DTWD2: variants seen among roughly 807,000 people sequenced by gnomAD.
The protein encoded by DTWD2 is tRNA-uridine aminocarboxypropyltransferase 2.
Under a neutral mutation model 31.8 loss-of-function variants are expected in DTWD2, and 39 were observed. That is an observed-to-expected ratio of 1.22 (90% CI 0.95 to 1.60). The LOEUF is 1.60. Among genes scored for constraint, DTWD2 ranks in the 40% most tolerant of loss-of-function variants. The pLI, the probability that DTWD2 is intolerant of heterozygous loss-of-function variation, is 0.00. For missense variants in DTWD2, 515 were observed against 381.5 expected, an observed-to-expected ratio of 1.35 and a Z score of -2.92; for synonymous variants, 180 against 142.8, an observed-to-expected ratio of 1.26 and a Z score of -1.86.
At chr5:118,917,635 G>C (rs1026323224) in intron 4 of DTWD2, among the ~76,000 whole-genome samples, 52 of 152,268 alleles carry the variant, frequency 3.4e-4, no homozygotes, top group African/African-American at 1.2e-3. Flanking sequence ...CATGGGGGCA[G>C]GAGAAAGAAG....
At chr5:118,947,005 G>C (rs1754353152) in intron 1 of DTWD2, among the ~76,000 whole-genome samples, 1 of 152,224 alleles carries the variant, frequency 6.6e-6, no homozygotes, top group East Asian at 1.9e-4. Flanking sequence ...GCCTCAAAAA[G>C]TACTGGTGAA....
intron 4 of DTWD2, among the ~76,000 whole-genome samples, chr5:118,909,094 T>G (rs1753400822): frequency 6.6e-6 from 1 of 152,188 alleles, no homozygotes; most frequent in South Asian, 2.1e-4. Context: ...CACCAGTTTC[T>G]CCATCCTTTT....
chr5:118,903,695 C>A (rs973878628), intron 4 of DTWD2, among the ~76,000 whole-genome samples: 1 of 151,646 alleles, frequency 6.6e-6, no homozygotes, highest in Non-Finnish European at 1.5e-5. Flanking sequence ...CATTATGTTC[C>A]GTCATTATGA....
At chr5:118,878,282 C>T (rs554508728) in intron 4 of DTWD2, among the ~76,000 whole-genome samples, 62 of 152,226 alleles carry the variant, frequency 4.1e-4, no homozygotes, top group African/African-American at 1.4e-3. Flanking sequence ...CTACAGTAAC[C>T]AAAACAGCAT....
intron 1 of DTWD2, 131 bp downstream of exon 1, chr5:118,988,163 A>C: frequency 3.4e-6 from 4 of 1,160,590 alleles, no homozygotes; most frequent in Non-Finnish European, 5.0e-6. Flanking sequence ...CGAGATTTCC[A>C]ACGTGCACCC....
intron 1 of DTWD2, among the ~76,000 whole-genome samples, chr5:118,965,389 G>T (rs572462375): frequency 4.6e-5 from 7 of 152,050 alleles, no homozygotes; most frequent in African/African-American, 1.4e-4. Flanking sequence ...GAAGTGAGGA[G>T]CCCCTCTGCC....
At chr5:118,965,334 C>G (rs1371480073) in intron 1 of DTWD2, among the ~76,000 whole-genome samples, 1 of 148,012 alleles carries the variant, frequency 6.8e-6, no homozygotes, top group African/African-American at 2.5e-5. Context: ...AGCCGCCACC[C>G]CGTCCGGGAG....
intron 5 of DTWD2, among the ~76,000 whole-genome samples, chr5:118,843,938 T>C (rs1751785933): frequency 1.3e-5 from 2 of 152,246 alleles, no homozygotes; most frequent in Non-Finnish European, 2.9e-5. Flanking sequence ...GTACAACTAA[T>C]ACGTGTCACC....
rs1461105027 is a variant in DTWD2 at position 118,939,227 on chromosome 5, C to T, written c.373G>A (p.Val125Met). The T allele has an allele frequency of 6.2e-7, 1 of 1,606,724 alleles. No homozygotes were observed. Among genetic ancestry groups the T allele is most frequent in the Non-Finnish European group, 8.5e-7 (1 of 1,176,082 alleles). Residue 125 changes from valine (V) to methionine (M), a missense_variant, in exon 3 of 6, where the codon GTG becomes ATG. Val to Met is a conservative substitution (Grantham distance 21). Coordinates refer to ENST00000510708, the MANE Select transcript of DTWD2 (RefSeq NM_173666.4). ...TCACTGAAGCGACGACCGATCTTCA[C>T]TTTACACTTGTCCTGGGGGAGGCAT... Reference protein sequence around the residue: ...AACLPQDKCKVKIGRRFSEER... With the variant: ...AACLPQDKCKMKIGRRFSEER...
At chr5:118,976,679 G>A (rs1755169287) in intron 1 of DTWD2, among the ~76,000 whole-genome samples, 1 of 152,194 alleles carries the variant, frequency 6.6e-6, no homozygotes, top group Admixed American at 6.5e-5. Flanking sequence ...AACAAGTTCT[G>A]AAATTGAGGC....
intron 4 of DTWD2, among the ~76,000 whole-genome samples, chr5:118,925,682 A>G (rs930725374): frequency 2.6e-5 from 4 of 151,776 alleles, no homozygotes; most frequent in African/African-American, 4.9e-5. Context: ...TGTCTCTACT[A>G]AAAATACAAA....
At position 118,837,391 on chromosome 5, in the gene DTWD2, T is replaced by G. The variant is rs1289882848; in HGVS notation, c.*3526A>C. On this transcript the variant is annotated 3_prime_UTR_variant, in exon 6 of 6. Coordinates refer to ENST00000510708, the MANE Select transcript of DTWD2 (RefSeq NM_173666.4). ...ATTTTAAAGAAATACATCTACATAG[T>G]AAAATACAGTTTTGTAAAACTTTTG... The G allele has an allele frequency of 1.3e-5, 2 of 152,196 alleles. No homozygotes were observed. The highest frequency in any genetic ancestry group is 6.5e-5 in the Admixed American group (1 of 15,280). 9.4% of individuals were successfully genotyped at this position (152,196 alleles called of 1,614,324 possible).
At chr5:118,860,715 T>C (rs1384659345) in intron 4 of DTWD2, among the ~76,000 whole-genome samples, 7 of 152,146 alleles carry the variant, frequency 4.6e-5, no homozygotes, top group African/African-American at 1.7e-4. Flanking sequence ...AGGTCAGAAA[T>C]GGTATCTCAG....
chr5:118,946,677 T>C (rs1268560741), intron 1 of DTWD2, among the ~76,000 whole-genome samples: 3 of 152,158 alleles, frequency 2.0e-5, no homozygotes, highest in African/African-American at 7.2e-5. Context: ...TTTTTTTTAA[T>C]AAATCTATTC....
intron 4 of DTWD2, among the ~76,000 whole-genome samples, chr5:118,916,581 C>T (rs1448870389): frequency 6.6e-6 from 1 of 151,182 alleles, no homozygotes; most frequent in Non-Finnish European, 1.5e-5. Flanking sequence ...AGGAGAATCA[C>T]TTGAACCCGG....
At position 118,988,344 on chromosome 5, in the gene DTWD2, C is replaced by G; in HGVS notation, c.168G>C (p.Trp56Cys). 6.4e-7 allele frequency: 1 copy of G among 1,557,920 alleles called. No homozygotes were observed. Among genetic ancestry groups the G allele is most frequent in the Non-Finnish European group, 8.7e-7 (1 of 1,154,416 alleles). ...EADDDSADGL[W>C]ELPVEPAERR... is the part of the protein sequence containing the mutation. ...GCTCGGCCGGCTCCACCGGCAGCTC[C>G]CACAGCCCGTCCGCACTGTCGTCGT... Residue 56 changes from tryptophan (W) to cysteine (C), a missense_variant, in exon 1 of 6, where the codon TGG (tryptophan) becomes TGC (cysteine). Trp to Cys is a radical substitution (Grantham distance 215). Coordinates refer to ENST00000510708, the MANE Select transcript of DTWD2 (RefSeq NM_173666.4).
intron 1 of DTWD2, among the ~76,000 whole-genome samples, chr5:118,977,770 T>C (rs1225759219): frequency 1.3e-5 from 2 of 152,074 alleles, no homozygotes; most frequent in African/African-American, 2.4e-5. Context: ...GCCCAATTTA[T>C]AGATTCAATG....
rs187076521 is a variant in DTWD2, at chr5:118,936,118, C to T, written c.404+3078G>A. ...CTTCCCCAAATATCTGGAAATTAAG[C>T]GACACACTCCTGAACAATCCATGTG... On this transcript the variant is annotated intron_variant, in intron 3 of 5. Coordinates refer to ENST00000510708, the MANE Select transcript of DTWD2 (RefSeq NM_173666.4). Among the ~76,000 whole-genome samples, 42 of 152,224 alleles carry T rather than the reference C, an allele frequency of 2.8e-4. 1 individual carries two copies. The highest frequency in any genetic ancestry group is 7.8e-4 in the Admixed American group (12 of 15,298).
At chr5:118,980,341 G>C (rs1393343384) in intron 1 of DTWD2, among the ~76,000 whole-genome samples, 1 of 152,192 alleles carries the variant, frequency 6.6e-6, no homozygotes, top group Non-Finnish European at 1.5e-5. Flanking sequence ...TGGAGTGGGA[G>C]GGGACAACAA....
Sources: allele counts gnomAD v4.1 joint callset (sites outside exome capture counted in the v4.1 genomes callset), GRCh38; gene constraint gnomAD v4.1.1; transcripts MANE v1.5; gene names NCBI Gene and HGNC (gene_info 2026-07-23, HGNC 2026-07-21).